CHN2: variants seen among roughly 807,000 people sequenced by gnomAD.
CHN2 encodes chimerin 2, also known as beta-chimaerin.
CHN2 carries 35 observed loss-of-function variants against 56.3 expected under a neutral mutation model. That is an observed-to-expected ratio of 0.62 (90% CI 0.47 to 0.82). The LOEUF is 0.82. CHN2 is among the 40% of genes least tolerant of loss of function. The pLI is 0.00. For missense variants in CHN2, 491 were observed against 580.5 expected (o/e 0.85, Z 1.58); for synonymous variants, 210 against 212.8 (o/e 0.99, Z 0.12).
chr7:29,362,021 A>T (rs1011248628), intron 2 of CHN2, among the ~76,000 whole-genome samples: 1 of 152,206 alleles, frequency 6.6e-6, no homozygotes, highest in African/African-American at 2.4e-5. Flanking sequence ...CTACTCCTGG[A>T]TATGCATGAG....
chr7:29,253,195 G>A (rs951201478), intron 1 of CHN2, among the ~76,000 whole-genome samples: 1 of 152,192 alleles, frequency 6.6e-6, no homozygotes, highest in South Asian at 2.1e-4. Flanking sequence ...CAAGGCTGGT[G>A]TAGAAGCCTC....
intron 1 of CHN2, among the ~76,000 whole-genome samples, chr7:29,352,798 G>T (rs1175992455): frequency 6.6e-6 from 1 of 152,110 alleles, no homozygotes; most frequent in African/African-American, 2.4e-5. Context: ...TGATGAGGTG[G>T]CATTGTATGG....
intron 1 of CHN2, among the ~76,000 whole-genome samples, chr7:29,273,989 G>A (rs1326675694): frequency 1.3e-5 from 2 of 152,082 alleles, no homozygotes; most frequent in South Asian, 2.1e-4. Flanking sequence ...GCTTCCCTAG[G>A]TGCACACTCC....
At chr7:29,327,821 A>G (rs1279378819) in intron 1 of CHN2, among the ~76,000 whole-genome samples, 1 of 152,206 alleles carries the variant, frequency 6.6e-6, no homozygotes, top group Non-Finnish European at 1.5e-5. Flanking sequence ...GTAAAGTTTA[A>G]AGTTAATTTA....
intron 1 of CHN2, among the ~76,000 whole-genome samples, chr7:29,317,262 A>G (rs1445910815): frequency 6.6e-6 from 1 of 152,232 alleles, no homozygotes; most frequent in Non-Finnish European, 1.5e-5. Flanking sequence ...TTTAAAAGTC[A>G]CTTGATGCCA....
intron 6 of CHN2, among the ~76,000 whole-genome samples, chr7:29,425,291 T>A (rs1804752144): frequency 6.6e-6 from 1 of 152,178 alleles, no homozygotes; most frequent in Admixed American, 6.5e-5. Context: ...TGTCTTCTCC[T>A]CCCACTACTG....
intron 11 of CHN2, among the ~76,000 whole-genome samples, chr7:29,507,817 A>C (rs1171020993): frequency 6.6e-6 from 1 of 152,196 alleles, no homozygotes; most frequent in Admixed American, 6.5e-5. Flanking sequence ...ATAATTTTTA[A>C]AATAAATTAT....
Position 29,509,343 on chromosome 7 carries a change from T to G in CHN2, c.1172T>G (p.Val391Gly), listed in dbSNP as rs1790997330. The G allele has an allele frequency of 6.2e-7, 1 of 1,614,110 alleles. No homozygotes were observed. Among genetic ancestry groups the G allele is most frequent in the Non-Finnish European group, 8.5e-7 (1 of 1,179,972 alleles). ...GAGAGGCTGGAAGCCGTCCATGAAG[T>G]GCTGATGCTGCTGCCTCCTGCCCAC... The part of the protein sequence containing the change: ...ADERLEAVHE[V>G]LMLLPPAHYE... The change falls in exon 12 of 13, where the codon GTG (valine) becomes GGG (glycine). Residue 391 changes from valine (V) to glycine (G), a missense_variant. Physicochemically the swap from Val to Gly is moderately radical, Grantham distance 109. Transcript: ENST00000222792.
At chr7:29,350,679 G>A (rs920009516) in intron 1 of CHN2, among the ~76,000 whole-genome samples, 3 of 152,110 alleles carry the variant, frequency 2.0e-5, no homozygotes, top group Admixed American at 1.3e-4. Flanking sequence ...ACAACAGCAC[G>A]GGCTCACCTG....
intron 1 of CHN2, among the ~76,000 whole-genome samples, chr7:29,309,657 T>C (rs1794439122): frequency 6.6e-6 from 1 of 152,258 alleles, no homozygotes; most frequent in African/African-American, 2.4e-5. Flanking sequence ...TCCAGTTGCG[T>C]AACTTCGGGA....
intron 1 of CHN2, among the ~76,000 whole-genome samples, chr7:29,300,532 A>G (rs1793579339): frequency 7.2e-5 from 11 of 152,158 alleles, no homozygotes; most frequent in Admixed American, 7.2e-4. Context: ...GCTATTTTCT[A>G]CTTCTAATTG....
chr7:29,171,230 A>G (rs1220334404), intron 2 of CHN2, among the ~76,000 whole-genome samples: 1 of 152,110 alleles, frequency 6.6e-6, no homozygotes, highest in Non-Finnish European at 1.5e-5. Context: ...ACATCACCTA[A>G]TACGCGTCCT....
chr7:29,494,389 A>G (rs971982856), intron 7 of CHN2, among the ~76,000 whole-genome samples: 1 of 152,168 alleles, frequency 6.6e-6, no homozygotes, highest in Non-Finnish European at 1.5e-5. Flanking sequence ...CTAGTAAAAT[A>G]TTAAGAAATG....
At chr7:29,340,325 G>A (rs1026611845) in intron 1 of CHN2, among the ~76,000 whole-genome samples, 22 of 151,088 alleles carry the variant, frequency 1.5e-4, no homozygotes, top group South Asian at 1.0e-3. Context: ...GTTATGAAAA[G>A]TTTTTATATT....
intron 1 of CHN2, among the ~76,000 whole-genome samples, chr7:29,269,798 G>A (rs1790466913): frequency 6.6e-6 from 1 of 152,236 alleles, no homozygotes; most frequent in South Asian, 2.1e-4. Flanking sequence ...CCTTCCAGGG[G>A]CTGGGAACGG....
intron 2 of CHN2, among the ~76,000 whole-genome samples, chr7:29,359,094 G>A (rs563605042): frequency 3.9e-5 from 6 of 152,198 alleles, no homozygotes; most frequent in African/African-American, 2.4e-5. Flanking sequence ...ACAAAGTCTC[G>A]GAATTGAGTC....
intron 6 of CHN2, among the ~76,000 whole-genome samples, chr7:29,444,419 T>G (rs849912): frequency 0.5 from 76,070 of 151,896 alleles, 21,743 homozygotes; most frequent in African/African-American, 0.79. Context: ...GGGCATTTCA[T>G]CTGGGCCCAA....
chr7:29,195,074 T>C, intron 1 of CHN2, 84 bp downstream of exon 1: 1 of 1,406,414 alleles, frequency 7.1e-7, no homozygotes, highest in Non-Finnish European at 9.7e-7. Flanking sequence ...GGACAGAGCC[T>C]ACCTGTGGCC....
upstream of CHN2, chr7:29,193,862 G>C (rs749466803): frequency 2.6e-5 from 4 of 152,170 alleles, no homozygotes; most frequent in Non-Finnish European, 4.4e-5. Context: ...CGTTTGGACG[G>C]CTCTATTTCT....
Sources: allele counts gnomAD v4.1 joint callset (sites outside exome capture counted in the v4.1 genomes callset), GRCh38; gene constraint gnomAD v4.1.1; transcripts MANE v1.5; gene names NCBI Gene and HGNC (gene_info 2026-07-23, HGNC 2026-07-21).